The following SH3RF3 variants were observed in gnomAD, a reference collection of about 807,000 sequenced individuals.
SH3RF3 encodes E3 ubiquitin-protein ligase SH3RF3.
SH3RF3 carries 29 observed loss-of-function variants against 66.3 expected under a neutral mutation model. The observed-to-expected ratio is 0.44, with a 90% CI of 0.33 to 0.60. The LOEUF is 0.60. SH3RF3 is among the 20% of genes least tolerant of loss of function. The probability of loss-of-function intolerance (pLI) is 0.04; values close to 1 mark genes in which losing one functional copy is unlikely to be tolerated. For missense variants in SH3RF3, 1,194 were observed against 1,190.9 expected (o/e 1.00, Z -0.04); for synonymous variants, 583 against 532.0 (o/e 1.10, Z -1.32).
At chr2:109,228,710 A>C (rs1679430957) in intron 1 of SH3RF3, among the ~76,000 whole-genome samples, 1 of 152,100 alleles carries the variant, frequency 6.6e-6, no homozygotes, top group Non-Finnish European at 1.5e-5. Flanking sequence ...AAGCAGCCAG[A>C]TGGAGAGGTA....
chr2:109,320,176 G>T (rs555250908), intron 1 of SH3RF3, among the ~76,000 whole-genome samples: 1 of 152,144 alleles, frequency 6.6e-6, no homozygotes, highest in Admixed American at 6.5e-5. Context: ...TCTCATGGCC[G>T]TCACAGCCCT....
At chr2:109,187,775 A>G (rs1284444402) in intron 1 of SH3RF3, among the ~76,000 whole-genome samples, 1 of 152,222 alleles carries the variant, frequency 6.6e-6, no homozygotes, top group Non-Finnish European at 1.5e-5. Context: ...ACACAGGCAC[A>G]CAGGTGGGCT....
intron 8 of SH3RF3, among the ~76,000 whole-genome samples, chr2:109,478,004 C>T (rs35407481): frequency 0.46 from 69,896 of 151,626 alleles, 17,912 homozygotes; most frequent in Non-Finnish European, 0.56. Flanking sequence ...CCCCACTGCT[C>T]ATGAAATATT....
intron 5 of SH3RF3, among the ~76,000 whole-genome samples, chr2:109,426,813 A>AT (rs1357836369): frequency 6.6e-6 from 1 of 152,168 alleles, no homozygotes; most frequent in South Asian, 2.1e-4. Context: ...TTGCTGTCTT[A>AT]TTTTAAGAAG....
chr2:109,227,508 G>A (rs1679399294), intron 1 of SH3RF3, among the ~76,000 whole-genome samples: 1 of 152,198 alleles, frequency 6.6e-6, no homozygotes, highest in African/African-American at 2.4e-5. Context: ...CTTCATGTTG[G>A]GTGCTTTGTG....
chr2:109,385,331 TTGGGGGCCCTGCACAACCCCAG>T (rs1675795574), intron 3 of SH3RF3, among the ~76,000 whole-genome samples: 1 of 152,222 alleles, frequency 6.6e-6, no homozygotes, highest in Non-Finnish European at 1.5e-5. Context: ...TAATTGTAGT[TTGGGGGCCCTGCACAACCCCAG>T]TGTCCCCTGA....
At chr2:109,287,107 T>C (rs1681046279) in intron 1 of SH3RF3, among the ~76,000 whole-genome samples, 1 of 152,204 alleles carries the variant, frequency 6.6e-6, no homozygotes, top group Non-Finnish European at 1.5e-5. Context: ...GACATACAGA[T>C]GACAGCCATG....
At chr2:109,301,688 T>C (rs145869034) in intron 1 of SH3RF3, among the ~76,000 whole-genome samples, 1 of 152,320 alleles carries the variant, frequency 6.6e-6, no homozygotes, top group African/African-American at 2.4e-5. Flanking sequence ...CTGTATTTTG[T>C]TGTTTTGAGG....
chr2:109,499,364 T>C (rs1165523806), intron 9 of SH3RF3, among the ~76,000 whole-genome samples: 1 of 152,032 alleles, frequency 6.6e-6, no homozygotes, highest in Non-Finnish European at 1.5e-5. Flanking sequence ...GCAGAGAGAA[T>C]AGCTGCACCC....
intron 1 of SH3RF3, among the ~76,000 whole-genome samples, chr2:109,277,095 C>G (rs1315386334): frequency 6.6e-6 from 1 of 152,174 alleles, no homozygotes; most frequent in African/African-American, 2.4e-5. Context: ...CCGGCGGTCC[C>G]TCAACTGTCC....
At chr2:109,437,225 C>T in intron 7 of SH3RF3, 79 bp downstream of exon 7, 1 of 1,503,658 alleles carries the variant, frequency 6.7e-7, no homozygotes, top group East Asian at 2.4e-5. Flanking sequence ...ACATCTTGGC[C>T]CAAGGCTCCA....
chr2:109,361,551 G>A (rs1391281131), intron 2 of SH3RF3, among the ~76,000 whole-genome samples: 4 of 152,102 alleles, frequency 2.6e-5, no homozygotes, highest in Non-Finnish European at 5.9e-5. Flanking sequence ...TTGGCTCATT[G>A]CAACCTCCGC....
At chr2:109,262,358 G>A (rs1680377835) in intron 1 of SH3RF3, among the ~76,000 whole-genome samples, 1 of 152,108 alleles carries the variant, frequency 6.6e-6, no homozygotes, top group Admixed American at 6.5e-5. Flanking sequence ...ACTGTACCTG[G>A]GGGCAGCCAT....
chr2:109,264,265 C>T (rs1043872706), intron 1 of SH3RF3, among the ~76,000 whole-genome samples: 2 of 149,050 alleles, frequency 1.3e-5, no homozygotes, highest in Non-Finnish European at 3.0e-5. Context: ...GGATCCACCT[C>T]GAGTCTGTGG....
rs541969552 is a variant in SH3RF3, at chr2:109,233,416, A to G, written c.573+103303A>G. Among the ~76,000 whole-genome samples the G allele has an allele frequency of 2.7e-3, 414 of 152,312 alleles. 4 individuals are homozygous for G. The highest frequency in any genetic ancestry group is 9.6e-3 in the African/African-American group (398 of 41,578). ...ACCATCCCCAGCTGAATTCCTTTCAATGTTCAGACACTTCGTGTCTTCCCT... is the reference window on the plus strand; with the variant it reads ...ACCATCCCCAGCTGAATTCCTTTCAGTGTTCAGACACTTCGTGTCTTCCCT... On this transcript the variant is annotated intron_variant, in intron 1 of 9. Coordinates refer to ENST00000309415, the MANE Select transcript of SH3RF3 (RefSeq NM_001099289.3).
At chr2:109,252,065 A>G (rs910603972) in intron 1 of SH3RF3, among the ~76,000 whole-genome samples, 7 of 145,686 alleles carry the variant, frequency 4.8e-5, no homozygotes, top group Non-Finnish European at 8.9e-5. Context: ...TGGGCAACAT[A>G]TAGAGATGCC....
chr2:109,164,029 T>C (rs965485011), intron 1 of SH3RF3, among the ~76,000 whole-genome samples: 3 of 152,216 alleles, frequency 2.0e-5, no homozygotes, highest in Non-Finnish European at 4.4e-5. Flanking sequence ...AATGAGATTC[T>C]ACATGATTTT....
chr2:109,444,102 T>C (rs187301311), intron 7 of SH3RF3, among the ~76,000 whole-genome samples: 8 of 152,280 alleles, frequency 5.3e-5, no homozygotes, highest in Admixed American at 1.3e-4. Context: ...ATAACAAATA[T>C]TTGATATACT....
At chr2:109,403,361 G>A (rs1206346799) in intron 4 of SH3RF3, among the ~76,000 whole-genome samples, 1 of 152,304 alleles carries the variant, frequency 6.6e-6, no homozygotes. Context: ...TTCCCCGACT[G>A]TGTGGCCCAC....
Sources: allele counts gnomAD v4.1 joint callset (sites outside exome capture counted in the v4.1 genomes callset), GRCh38; gene constraint gnomAD v4.1.1; transcripts MANE v1.5; gene names NCBI Gene and HGNC (gene_info 2026-07-23, HGNC 2026-07-21).